ATOSA: variants seen among roughly 807,000 people sequenced by gnomAD.
The protein encoded by ATOSA is atos homolog protein A.
At chr15:52,651,786 G>T in the ATOSA span, 1 of 1,317,494 alleles carries the variant, frequency 7.6e-7, no homozygotes, top group Non-Finnish European at 1.0e-6. Context: ...TCCATGCAAA[G>T]CAAGCACCAC....
the ATOSA span, among the ~76,000 whole-genome samples, chr15:52,626,970 T>G: frequency 6.6e-6 from 1 of 152,214 alleles, no homozygotes; most frequent in Non-Finnish European, 1.5e-5. Context: ...AATCCCAGTT[T>G]TCCTATGAAT....
the ATOSA span, among the ~76,000 whole-genome samples, chr15:52,637,636 T>A: frequency 6.6e-6 from 1 of 152,186 alleles, no homozygotes; most frequent in Non-Finnish European, 1.5e-5. Flanking sequence ...ACCTCTCTTG[T>A]TAGAATTCTA....
At chr15:52,707,800 G>A in the ATOSA span, among the ~76,000 whole-genome samples, 1 of 152,202 alleles carries the variant, frequency 6.6e-6, no homozygotes, top group South Asian at 2.1e-4. Context: ...GAAGGAAGAA[G>A]AGAGAGGGAG....
chr15:52,603,416 T>C, the ATOSA span, among the ~76,000 whole-genome samples: 48 of 152,198 alleles, frequency 3.2e-4, no homozygotes, highest in East Asian at 8.7e-3. Flanking sequence ...GAGAAGACTA[T>C]GGAAGTTCCT....
At chr15:52,587,256 T>C in the ATOSA span, 11 of 1,555,084 alleles carry the variant, frequency 7.1e-6, no homozygotes, top group South Asian at 1.2e-4. Flanking sequence ...TACAAACTGA[T>C]GCATATGTAC....
At chr15:52,593,786 CA>C in the ATOSA span, 44 of 1,483,914 alleles carry the variant, frequency 3.0e-5, no homozygotes, top group African/African-American at 4.7e-4. Context: ...CTAACACATT[CA>C]TTTTTTTTCT....
At chr15:52,702,762 GA>G in the ATOSA span, among the ~76,000 whole-genome samples, 10,852 of 51,222 alleles carry the variant, frequency 0.21, 724 homozygotes, top group East Asian at 0.44. Flanking sequence ...TCTAAAAGTT[GA>G]AAAAAAAAGT....
the ATOSA span, chr15:52,584,954 C>A: frequency 6.3e-7 from 1 of 1,579,348 alleles, no homozygotes; most frequent in Non-Finnish European, 8.6e-7. Flanking sequence ...TCTGAAGAAA[C>A]AATATAGAAA....
the ATOSA span, chr15:52,613,639 A>G: frequency 6.3e-7 from 1 of 1,593,614 alleles, no homozygotes; most frequent in South Asian, 1.1e-5. Flanking sequence ...TAGTTTATAT[A>G]AAAGATACAA....
chr15:52,664,474 G>C, the ATOSA span, among the ~76,000 whole-genome samples: 3 of 151,884 alleles, frequency 2.0e-5, no homozygotes, highest in Non-Finnish European at 4.4e-5. Context: ...GAAAAGAATT[G>C]CTATTCCCAT....
At chr15:52,680,618 C>T in the ATOSA span, among the ~76,000 whole-genome samples, 1 of 152,116 alleles carries the variant, frequency 6.6e-6, no homozygotes, top group Admixed American at 6.5e-5. Flanking sequence ...TAGATATGTA[C>T]AGTAAAATAA....
At chr15:52,639,965 G>A in the ATOSA span, among the ~76,000 whole-genome samples, 135 of 150,742 alleles carry the variant, frequency 9.0e-4, no homozygotes, top group African/African-American at 3.1e-3. Context: ...TCACCATGTT[G>A]GCCAGGCTGG....
the ATOSA span, among the ~76,000 whole-genome samples, chr15:52,693,176 T>G: frequency 2.0e-5 from 3 of 152,216 alleles, no homozygotes; most frequent in South Asian, 6.2e-4. Context: ...TCTCAGCATT[T>G]TGGGAGGCCA....
chr15:52,607,593 C>G, the ATOSA span, among the ~76,000 whole-genome samples: 1 of 152,072 alleles, frequency 6.6e-6, no homozygotes, highest in Non-Finnish European at 1.5e-5. Context: ...CTCTTTGAGT[C>G]CTAGTTTCCT....
At chr15:52,582,980 CTT>C in the ATOSA span, among the ~76,000 whole-genome samples, 1 of 152,204 alleles carries the variant, frequency 6.6e-6, no homozygotes, top group African/African-American at 2.4e-5. Context: ...GCTAATTTCT[CTT>C]TGTTTTTCCC....
At chr15:52,696,694 C>A in the ATOSA span, among the ~76,000 whole-genome samples, 7 of 152,074 alleles carry the variant, frequency 4.6e-5, no homozygotes, top group African/African-American at 1.7e-4. Context: ...CTCAAGGTAT[C>A]ATTTATATGC....
the ATOSA span, among the ~76,000 whole-genome samples, chr15:52,642,565 A>C: frequency 1.8e-4 from 27 of 152,334 alleles, no homozygotes; most frequent in African/African-American, 5.5e-4. Context: ...ACAAACTAAA[A>C]ATAATCATGA....
At chr15:52,699,028 A>T in the ATOSA span, among the ~76,000 whole-genome samples, 1 of 152,236 alleles carries the variant, frequency 6.6e-6, no homozygotes, top group East Asian at 1.9e-4. Flanking sequence ...TACTGGACGA[A>T]TAAAATGGAG....
chr15:52,612,706 T>C, the ATOSA span, among the ~76,000 whole-genome samples: 1 of 151,904 alleles, frequency 6.6e-6, no homozygotes. Context: ...GGTTTCACTG[T>C]GTTGGCCAGG....
Sources: allele counts gnomAD v4.1 joint callset (sites outside exome capture counted in the v4.1 genomes callset), GRCh38; gene constraint gnomAD v4.1.1; transcripts MANE v1.5; gene names NCBI Gene and HGNC (gene_info 2026-07-23, HGNC 2026-07-21).